DOC2A: variants seen among roughly 807,000 people sequenced by gnomAD.
DOC2A encodes double C2-like domain-containing protein alpha.
In DOC2A, 28 loss-of-function variants were observed where a neutral mutation model predicts 40.6. The observed-to-expected ratio is 0.69, with a 90% CI of 0.51 to 0.95. The LOEUF (loss-of-function observed/expected upper bound fraction) is 0.95. Among genes scored for constraint, DOC2A ranks in the 40% least tolerant of loss-of-function variants. The pLI is 0.00. For missense variants in DOC2A, 474 were observed against 552.5 expected (o/e 0.86, Z 1.42); for synonymous variants, 241 against 236.9 (o/e 1.02, Z -0.16).
chr16:30,020,329 C>T (rs919559405), intron 1 of DOC2A, among the ~76,000 whole-genome samples: 1 of 152,126 alleles, frequency 6.6e-6, no homozygotes, highest in South Asian at 2.1e-4. Flanking sequence ...TAGGTGTGAG[C>T]ACCGCGCCTG....
upstream of DOC2A, among the ~76,000 whole-genome samples, chr16:30,016,503 G>A (rs1239858617): frequency 6.6e-6 from 1 of 152,182 alleles, no homozygotes; most frequent in East Asian, 1.9e-4. Context: ...TGCAGTGAGG[G>A]GAGGGGGACA....
Position 30,009,210 on chromosome 16 carries a change from C to A in DOC2A, c.409G>T (p.Ala137Ser). Residue 137 changes from alanine to serine, a missense_variant, in exon 4 of 11, where the codon GCC (alanine) becomes TCC (serine). Transcript: ENST00000350119. The surrounding 1 kb of genome is among the most constrained non-coding windows in gnomAD (Gnocchi z 4.1). ...CGAGAGGAGGCTGTTACCTTACAGG[C>A]TCCAGGCAGCAAGTGCAGCTTGACG... ...PYVKLHLLPG[A>S]CKANKLKTKT... The A allele has an allele frequency of 6.3e-7, 1 of 1,592,234 alleles. No individual in the cohort carries two copies. The highest frequency in any genetic ancestry group is 8.6e-7 in the Non-Finnish European group (1 of 1,168,146).
chr16:30,011,168 A>G (rs1025357054), upstream of DOC2A: 29 of 626,890 alleles, frequency 4.6e-5, 1 homozygote, highest in East Asian at 7.0e-4. Flanking sequence ...GCGAGCGCGC[A>G]CACACACGTG....
chr16:30,018,384 G>A (rs771964418), intron 1 of DOC2A, among the ~76,000 whole-genome samples: 25 of 151,978 alleles, frequency 1.6e-4, no homozygotes, highest in Non-Finnish European at 1.3e-4. Context: ...GTAGCAGCAC[G>A]ATCATGGCTC....
chr16:30,010,403 C>T lies in DOC2A; in HGVS notation c.-13-168G>A. ...TGGCAGGTGGGAGGCCTGGGCCCTGCAGACCCCAAGCTGACTCCACAGGGG... is the reference window on the plus strand; with the variant it reads ...TGGCAGGTGGGAGGCCTGGGCCCTGTAGACCCCAAGCTGACTCCACAGGGG... On this transcript the variant is annotated intron_variant, in intron 1 of 10. Transcript: ENST00000350119. This position sits in a 1 kb window ranked among gnomAD's most constrained non-coding sequence, Gnocchi z 4.2. The T allele has an allele frequency of 3.4e-6, 3 of 889,314 alleles. No homozygotes were observed. The highest frequency in any genetic ancestry group is 5.3e-6 in the Non-Finnish European group (3 of 565,124). The allele number at this position is 889,314 out of a possible 1,614,324, so 55.1% of individuals were successfully genotyped here.
upstream of DOC2A, among the ~76,000 whole-genome samples, chr16:30,016,002 G>GC: frequency 1.6e-5 from 2 of 121,328 alleles, no homozygotes; most frequent in African/African-American, 3.4e-5. Flanking sequence ...GTGAGCCAAA[G>GC]ACCATGCCCA....
chr16:30,006,260 C>T lies in DOC2A; in HGVS notation c.1129G>A (p.Asp377Asn), dbSNP rs774283753. ...GTGTGCCAGCGCTCCAGGGCTGCGTCCGGCTGCTGCAGGCAGTCACTCCAG... is the reference window on the plus strand; with the variant it reads ...GTGTGCCAGCGCTCCAGGGCTGCGTTCGGCTGCTGCAGGCAGTCACTCCAG... ...KHWSDCLQQP[D>N]AALERWHTLT... Residue 377 changes from aspartate (D) to asparagine (N), a missense_variant, in exon 11 of 11, where the codon GAC becomes AAC. Coordinates refer to ENST00000350119, the MANE Select transcript of DOC2A (RefSeq NM_003586.3). The surrounding 1 kb of genome is among the most constrained non-coding windows in gnomAD (Gnocchi z 6.2). The T allele has an allele frequency of 1.3e-6, 2 of 1,598,972 alleles. No individual in the cohort carries two copies. The highest frequency in any genetic ancestry group is 4.5e-5 in the East Asian group (2 of 44,246).
upstream of DOC2A, among the ~76,000 whole-genome samples, chr16:30,011,915 C>T (rs1171711012): frequency 6.6e-6 from 1 of 152,160 alleles, no homozygotes; most frequent in African/African-American, 2.4e-5. Flanking sequence ...GGGCTTGGCT[C>T]TGAAGGTCTC....
upstream of DOC2A, chr16:30,012,612 C>T (rs2070801948): frequency 1.3e-5 from 2 of 149,814 alleles, no homozygotes; most frequent in South Asian, 4.2e-4. Flanking sequence ...CCTAGCTACT[C>T]CAGGGACTGC....
At position 30,009,144 on chromosome 16, in the gene DOC2A, C is replaced by A. The variant is rs765691034; in HGVS notation, c.418-39G>T. ...ATGAAAGGTTCTCAATACCTGTCCT[C>A]CAGCCCCACAGGCTGGAGTCATGGG... On this transcript the variant is annotated intron_variant, in intron 4 of 10. Coordinates refer to ENST00000350119, the MANE Select transcript of DOC2A (RefSeq NM_003586.3). This position sits in a 1 kb window ranked among gnomAD's most constrained non-coding sequence, Gnocchi z 4.1. The A allele has an allele frequency of 1.9e-6, 3 of 1,611,226 alleles. No homozygotes were observed. The African/African-American group carries it at 4.0e-5, about 21-fold the overall frequency.
rs372707859 is a variant in DOC2A at position 30,006,244 on chromosome 16, C to T, written c.1145G>A (p.Arg382His). ...CLQQPDAALE[R>H]WHTLTSELPP... ...CAGCTCACTGGTCAGGGTGTGCCAG[C>T]GCTCCAGGGCTGCGTCCGGCTGCTG... The change falls in exon 11 of 11, where the codon CGC (arginine) becomes CAC (histidine). Residue 382 changes from arginine (R) to histidine (H), a missense_variant. Physicochemically the swap from Arg to His is conservative, Grantham distance 29. Transcript: ENST00000350119. The surrounding 1 kb of genome is among the most constrained non-coding windows in gnomAD (Gnocchi z 6.2). The T allele has an allele frequency of 1.1e-5, 18 of 1,593,094 alleles. No individual in the cohort carries two copies. The highest frequency in any genetic ancestry group is 9.4e-5 in the African/African-American group (7 of 74,604).
Position 30,010,738 on chromosome 16 carries a change from C to A in DOC2A, c.-14+165G>T, listed in dbSNP as rs1454168056. 6.6e-6 allele frequency among the ~76,000 whole-genome samples: 1 copy of A among 152,178 alleles called. No individual in the cohort carries two copies. Among genetic ancestry groups the A allele is most frequent in the African/African-American group, 2.4e-5 (1 of 41,448 alleles). On this transcript the variant is annotated intron_variant, in intron 1 of 10. Coordinates refer to ENST00000350119, the MANE Select transcript of DOC2A (RefSeq NM_003586.3). This position sits in a 1 kb window ranked among gnomAD's most constrained non-coding sequence, Gnocchi z 4.2. The stretch of plus-strand genomic sequence containing the variant: ...TGCCTGCCTGGTTCCCCCGCTCGCT[C>A]ACCACAGCCCACGGTGGAGACCCCA...
upstream of DOC2A, among the ~76,000 whole-genome samples, chr16:30,016,041 ATATATATATATATATTTTTTTTT>A (rs1251781752): frequency 2.8e-4 from 11 of 39,684 alleles, no homozygotes; most frequent in Admixed American, 7.2e-4. Flanking sequence ...ATATATATAT[ATATATATATATATATTTTTTTTT>A]TTTTTTTTTT....
intron 1 of DOC2A, among the ~76,000 whole-genome samples, chr16:30,020,536 A>G (rs576131139): frequency 6.6e-6 from 1 of 152,056 alleles, no homozygotes; most frequent in South Asian, 2.1e-4. Flanking sequence ...GCAAGACTCC[A>G]TCTCTGCAAA....
rs183616082 is a variant in DOC2A, at chr16:30,010,320, G to T, written c.-13-85C>A. ...AGGCGACGGCCTCCTCGGTCTGTGG[G>T]GCCCTCACTGGCCTCCCTTCCTAGG... On this transcript the variant is annotated intron_variant, in intron 1 of 10. Transcript: ENST00000350119. This position sits in a 1 kb window ranked among gnomAD's most constrained non-coding sequence, Gnocchi z 4.2. 3 of 1,547,748 alleles carry T rather than the reference G, an allele frequency of 1.9e-6. No homozygotes were observed. The Admixed American group carries it at 5.0e-5, about 26-fold the overall frequency.
At chr16:30,011,272 G>T, upstream of DOC2A, 1 of 928,756 alleles carries the variant, frequency 1.1e-6, no homozygotes, top group Non-Finnish European at 1.3e-6. Context: ...ACACGCCCGT[G>T]CCCACGTGTG....
Position 30,005,919 on chromosome 16 carries a change from G to T in DOC2A, c.*267C>A. Reference sequence around the variant, plus strand: ...CAGGAGTGAGGAGCGCGGGGGCCTGGGGCCGGGCTCTGAGCACTGCCCGGG... The same window carrying T: ...CAGGAGTGAGGAGCGCGGGGGCCTGTGGCCGGGCTCTGAGCACTGCCCGGG... On this transcript the variant is annotated 3_prime_UTR_variant, in exon 11 of 11. Transcript: ENST00000350119. The T allele has an allele frequency of 1.8e-6, 1 of 550,736 alleles. No individual in the cohort carries two copies. Among genetic ancestry groups the T allele is most frequent in the Non-Finnish European group, 3.2e-6 (1 of 310,570 alleles). The allele number at this position is 550,736 out of a possible 1,614,324, so 34.1% of individuals were successfully genotyped here. A position where few individuals can be genotyped will look rare whatever the true frequency, so the allele number is the denominator to read the frequency against.
chr16:30,012,465 C>G (rs12325400), upstream of DOC2A: 50,320 of 151,886 alleles, frequency 0.33, 8,957 homozygotes, highest in South Asian at 0.43. Flanking sequence ...TGCACGACAA[C>G]TGAACATACC....
At position 30,006,490 on chromosome 16, in the gene DOC2A, T is replaced by C; in HGVS notation, c.980A>G (p.Glu327Gly). The C allele has an allele frequency of 6.2e-7, 1 of 1,613,384 alleles. No individual in the cohort carries two copies. The highest frequency in any genetic ancestry group is 8.5e-7 in the Non-Finnish European group (1 of 1,179,834). Residue 327 changes from glutamate (E) to glycine (G), a missense_variant, in exon 10 of 11, where the codon GAG (glutamate) becomes GGG (glycine). Glu to Gly is a moderately conservative substitution (Grantham distance 98). Coordinates refer to ENST00000350119, the MANE Select transcript of DOC2A (RefSeq NM_003586.3). The surrounding 1 kb of genome is among the most constrained non-coding windows in gnomAD (Gnocchi z 6.2). Reference sequence around the variant, plus strand: ...GGTCTTGGTGGCCAGAGTGGAGAGCTCTATCTCGTAGAAAAACTCCTAGGG... The same window carrying C: ...GGTCTTGGTGGCCAGAGTGGAGAGCCCTATCTCGTAGAAAAACTCCTAGGG... ...EFNEEFFYEI[E>G]LSTLATKTLE...
Sources: gnomAD v4.1 joint callset for allele counts (sites outside exome capture counted in the v4.1 genomes callset) on GRCh38, gnomAD v4.1.1 for gene constraint, Gnocchi (gnomAD v3.1) non-coding constraint, MANE v1.5 for transcripts, NCBI Gene and HGNC (gene_info 2026-07-23, HGNC 2026-07-21) for gene names.